Variants in TRPM3 observed in about 807,000 individuals in gnomAD.
TRPM3 encodes the protein transient receptor potential cation channel subfamily M member 3.
A neutral mutation model predicts 181.2 loss-of-function variants in TRPM3; 77 were observed. The observed-to-expected ratio is 0.42, with a 90% CI of 0.35 to 0.51. The LOEUF (loss-of-function observed/expected upper bound fraction) is 0.51, where lower values mean the gene tolerates loss of function less well. Ranked by LOEUF, TRPM3 falls within the 20% of genes least tolerant of loss-of-function variation. The pLI is 0.01. For missense variants in TRPM3, 1,759 were observed against 2,196.7 expected (o/e 0.80, Z 3.98); for synonymous variants, 745 against 796.4 (o/e 0.94, Z 1.09).
intron 25 of TRPM3, among the ~76,000 whole-genome samples, chr9:70,544,631 T>C (rs1002154488): frequency 6.6e-6 from 1 of 151,914 alleles, no homozygotes; most frequent in Non-Finnish European, 1.5e-5. Context: ...GTCTAAGATA[T>C]AGTAAGTGTG....
chr9:71,315,947 T>C (rs1375122996), intron 1 of TRPM3, among the ~76,000 whole-genome samples: 3 of 152,198 alleles, frequency 2.0e-5, no homozygotes, highest in African/African-American at 7.2e-5. Context: ...CATTCTCCTG[T>C]GGACCCTAAA....
intron 1 of TRPM3, among the ~76,000 whole-genome samples, chr9:71,001,261 G>T (rs1035215242): frequency 3.3e-5 from 5 of 152,146 alleles, no homozygotes; most frequent in African/African-American, 1.2e-4. Context: ...AGCCCACATG[G>T]GGCTCATGTC....
At chr9:71,294,521 T>G (rs987663070) in intron 1 of TRPM3, among the ~76,000 whole-genome samples, 7 of 152,118 alleles carry the variant, frequency 4.6e-5, no homozygotes, top group Non-Finnish European at 1.0e-4. Flanking sequence ...TATGTACCAC[T>G]GAAGGAAAAT....
chr9:70,957,108 G>A (rs997073466), intron 1 of TRPM3, among the ~76,000 whole-genome samples: 1 of 151,620 alleles, frequency 6.6e-6, no homozygotes, highest in East Asian at 2.0e-4. Context: ...CTACAGGCAC[G>A]CGCCACCGCA....
At chr9:71,142,003 G>A (rs545519565) in intron 1 of TRPM3, among the ~76,000 whole-genome samples, 17 of 152,240 alleles carry the variant, frequency 1.1e-4, no homozygotes, top group African/African-American at 3.4e-4. Context: ...TATAATGCCC[G>A]AATGTTTCCA....
At chr9:70,548,847 G>GCT (rs56761379) in intron 25 of TRPM3, among the ~76,000 whole-genome samples, 204 of 150,162 alleles carry the variant, frequency 1.4e-3, no homozygotes, top group East Asian at 5.9e-3. Context: ...AAGATCTTGT[G>GCT]CTCTCTCTCT....
intron 1 of TRPM3, among the ~76,000 whole-genome samples, chr9:71,421,497 T>A (rs2093773425): frequency 6.6e-6 from 1 of 151,954 alleles, no homozygotes; most frequent in African/African-American, 2.4e-5. Flanking sequence ...TAGAGATGAC[T>A]TTAGACCCTT....
At chr9:71,366,325 A>C (rs2092334036) in intron 1 of TRPM3, among the ~76,000 whole-genome samples, 1 of 152,144 alleles carries the variant, frequency 6.6e-6, no homozygotes, top group African/African-American at 2.4e-5. Flanking sequence ...AAGGAATGAC[A>C]CTTGGTGGGG....
intron 1 of TRPM3, among the ~76,000 whole-genome samples, chr9:71,258,194 C>T (rs914335806): frequency 6.6e-6 from 1 of 152,162 alleles, no homozygotes; most frequent in Non-Finnish European, 1.5e-5. Flanking sequence ...CACATTGGCC[C>T]ATTTAAGTCT....
intron 5 of TRPM3, among the ~76,000 whole-genome samples, chr9:70,831,523 C>T (rs973253528): frequency 2.6e-5 from 4 of 151,758 alleles, no homozygotes; most frequent in Non-Finnish European, 2.9e-5. Context: ...CCTACTGCCC[C>T]GCAGCATCCA....
intron 1 of TRPM3, among the ~76,000 whole-genome samples, chr9:71,189,123 T>C (rs1189675972): frequency 6.6e-6 from 1 of 151,834 alleles, no homozygotes; most frequent in Non-Finnish European, 1.5e-5. Context: ...CTCTCTATGA[T>C]GTTTAGAATT....
chr9:71,357,273 G>C (rs781162740), intron 1 of TRPM3, among the ~76,000 whole-genome samples: 130 of 152,182 alleles, frequency 8.5e-4, no homozygotes, highest in African/African-American at 3.0e-3. Flanking sequence ...GAAGCAAAAG[G>C]CACTATGTCT....
At chr9:71,389,661 G>T (rs982369367) in intron 1 of TRPM3, among the ~76,000 whole-genome samples, 6 of 152,092 alleles carry the variant, frequency 3.9e-5, no homozygotes, top group Non-Finnish European at 8.8e-5. Context: ...CCATAAAAAT[G>T]AATGAGTTAA....
intron 22 of TRPM3, among the ~76,000 whole-genome samples, chr9:70,578,536 G>A (rs370531409): frequency 3.3e-5 from 5 of 152,248 alleles, no homozygotes; most frequent in Non-Finnish European, 5.9e-5. Flanking sequence ...AGTCCTTCAC[G>A]TTGACTGTTC....
chr9:70,917,138 G>C (rs1331380311), intron 1 of TRPM3: 1 of 1,605,524 alleles, frequency 6.2e-7, no homozygotes. Flanking sequence ...GATGAGTTCG[G>C]CCACATCTGG....
chr9:71,284,446 T>C (rs2085108161), intron 1 of TRPM3, among the ~76,000 whole-genome samples: 1 of 151,802 alleles, frequency 6.6e-6, no homozygotes, highest in Non-Finnish European at 1.5e-5. Flanking sequence ...CAACACTTGA[T>C]CTGTCTAATG....
At chr9:70,817,695 T>G (rs1362559215) in intron 6 of TRPM3, among the ~76,000 whole-genome samples, 1 of 152,116 alleles carries the variant, frequency 6.6e-6, no homozygotes, top group African/African-American at 2.4e-5. Context: ...CAGAAGAAAT[T>G]CTCATTAGAA....
chr9:70,639,973 T>C (rs1217254203), intron 10 of TRPM3, among the ~76,000 whole-genome samples: 2 of 152,184 alleles, frequency 1.3e-5, no homozygotes, highest in African/African-American at 4.8e-5. Context: ...CTGCCTCCTG[T>C]GGATGCATAC....
intron 2 of TRPM3, 38 bp downstream of exon 2, chr9:70,864,394 C>T: frequency 1.4e-6 from 2 of 1,379,560 alleles, no homozygotes; most frequent in Non-Finnish European, 1.9e-6. Flanking sequence ...TGTATAATTA[C>T]TACTTCATGT....
Sources: allele counts gnomAD v4.1 joint callset (sites outside exome capture counted in the v4.1 genomes callset), GRCh38; gene constraint gnomAD v4.1.1; transcripts MANE v1.5; gene names NCBI Gene and HGNC (gene_info 2026-07-23, HGNC 2026-07-21).